The following DDX31 variants were observed in gnomAD, a reference collection of about 807,000 sequenced individuals.
DDX31 encodes DEAD-box helicase 31, also known as ATP-dependent DNA helicase DDX31.
A neutral mutation model predicts 91.3 loss-of-function variants in DDX31; 70 were observed. The observed-to-expected ratio is 0.77, with a 90% CI of 0.63 to 0.94. The LOEUF is 0.94. DDX31 is among the 40% of genes least tolerant of loss of function. The pLI is 0.00. For missense variants in DDX31, 902 were observed against 925.0 expected (o/e 0.98, Z 0.32); for synonymous variants, 362 against 350.6 (o/e 1.03, Z -0.36).
At chr9:132,633,459 CTG>C (rs3028360) in intron 14 of DDX31, among the ~76,000 whole-genome samples, 11,175 of 152,138 alleles carry the variant, frequency 0.073, 1,316 homozygotes, top group African/African-American at 0.25. Context: ...TAGAAAAAAA[CTG>C]TCAACCAGCA....
At chr9:132,649,810 A>T (rs1306951232) in intron 9 of DDX31, among the ~76,000 whole-genome samples, 1 of 152,242 alleles carries the variant, frequency 6.6e-6, no homozygotes, top group African/African-American at 2.4e-5. Context: ...AATCCTAATA[A>T]AGGAACAAAC....
intron 12 of DDX31, 76 bp downstream of exon 12, chr9:132,646,747 A>T (rs542842810): frequency 1.2e-5 from 17 of 1,451,074 alleles, no homozygotes; most frequent in Non-Finnish European, 1.6e-5. Flanking sequence ...GTCTCAACTC[A>T]TTGCTCCCAA....
rs151253202 is a variant in DDX31, at chr9:132,646,829, T to A, written c.1197A>T (p.Lys399Asn). ...LVCLAAFILQ[K>N]CKFEEDQKMV... ...CTCTAGCCCACAGTCCCACCTTGCATTTCTGAAGGATGAAGGCCGCTAGGC... is the reference window on the plus strand; with the variant it reads ...CTCTAGCCCACAGTCCCACCTTGCAATTCTGAAGGATGAAGGCCGCTAGGC... Residue 399 changes from lysine (K) to asparagine (N), a missense_variant, in exon 12 of 20, where the codon AAA (lysine) becomes AAT (asparagine). Physicochemically the swap from Lys to Asn is moderately conservative, Grantham distance 94. Transcript: ENST00000372159. The A allele has an allele frequency of 2.4e-4, 393 of 1,613,724 alleles. No individual in the cohort carries two copies. The highest frequency in any genetic ancestry group is 2.6e-4 in the Non-Finnish European group (301 of 1,179,896).
intron 19 of DDX31, among the ~76,000 whole-genome samples, chr9:132,602,510 G>A (rs554313880): frequency 2.0e-3 from 300 of 152,298 alleles, no homozygotes; most frequent in African/African-American, 6.6e-3. Flanking sequence ...CTAAGCTGCT[G>A]AGTTGGAATC....
chr9:132,648,755 T>C lies in DDX31; in HGVS notation c.741-204A>G, dbSNP rs796496212. On this transcript the variant is annotated intron_variant, in intron 9 of 19. Transcript: ENST00000372159. ...ACTGTGAAATGCAATTGTTAAGATC[T>C]GAAATTACATTAAAATCATAAAACT... Among the ~76,000 whole-genome samples, 3 of 152,204 alleles carry C rather than the reference T, an allele frequency of 2.0e-5. No homozygotes were observed. The South Asian group carries it at 6.2e-4, about 32-fold the overall frequency.
At chr9:132,624,609 C>T (rs1832278829) in intron 17 of DDX31, among the ~76,000 whole-genome samples, 1 of 152,146 alleles carries the variant, frequency 6.6e-6, no homozygotes, top group Non-Finnish European at 1.5e-5. Context: ...GTGAAAGTTC[C>T]TTTACCTCTC....
In DDX31 at chr9:132,669,978, C is replaced by T; in HGVS notation, c.-44G>A. 1.3e-6 allele frequency: 2 copies of T among 1,575,442 alleles called. No homozygotes were observed. The highest frequency in any genetic ancestry group is 2.4e-5 in the East Asian group (1 of 42,550). On this transcript the variant is annotated 5_prime_UTR_variant, in exon 1 of 20. Coordinates refer to ENST00000372159, the MANE Select transcript of DDX31 (RefSeq NM_022779.9). The stretch of plus-strand genomic sequence containing the variant: ...GTGGTGCAGCAGCGAGCCCGGTGCG[C>T]AGACTGCTGGGCCCGGGACCCCACG...
chr9:132,605,166 CTTCCT>C (rs942649134), intron 19 of DDX31, among the ~76,000 whole-genome samples: 1 of 152,170 alleles, frequency 6.6e-6, no homozygotes, highest in Non-Finnish European at 1.5e-5. Flanking sequence ...ACAATTCCTT[CTTCCT>C]TTCTTTTCCT....
In DDX31 at chr9:132,635,085, T is replaced by C. The variant is rs369453342; in HGVS notation, c.1441-2994A>G. Among the ~76,000 whole-genome samples, 35 of 152,292 alleles carry C rather than the reference T, an allele frequency of 2.3e-4. 1 individual carries two copies. In the South Asian group the frequency reaches 2.7e-3, roughly 12 times the overall value. On this transcript the variant is annotated intron_variant, in intron 14 of 19. Coordinates refer to ENST00000372159, the MANE Select transcript of DDX31 (RefSeq NM_022779.9). The stretch of plus-strand genomic sequence containing the variant: ...GTCTAACTGCTTCCTCATGGTAAGG[T>C]TGCGGTTAGGCTTTCTGGCACAAAC...
intron 18 of DDX31, among the ~76,000 whole-genome samples, chr9:132,613,151 G>A (rs1750328865): frequency 6.6e-6 from 1 of 152,138 alleles, no homozygotes; most frequent in Admixed American, 6.5e-5. Flanking sequence ...CAAAGTGCTT[G>A]GGAATACAAG....
intron 18 of DDX31, among the ~76,000 whole-genome samples, chr9:132,617,951 T>C (rs938166070): frequency 1.3e-5 from 2 of 152,378 alleles, no homozygotes; most frequent in Middle Eastern, 3.4e-3. Context: ...TATTTCCAGC[T>C]CTGGCCTTCA....
chr9:132,632,907 T>C (rs75045430), intron 14 of DDX31, among the ~76,000 whole-genome samples: 55 of 152,330 alleles, frequency 3.6e-4, no homozygotes, highest in Admixed American at 1.9e-3. Flanking sequence ...CTCACCATTC[T>C]AGCAGACCAG....
chr9:132,658,498 C>T (rs1390854531), intron 6 of DDX31, 173 bp downstream of exon 6: 4 of 677,650 alleles, frequency 5.9e-6, no homozygotes, highest in Non-Finnish European at 1.0e-5. Flanking sequence ...ATTTATTCTA[C>T]TCTAGGCACA....
rs1834265575 is a variant in DDX31 at position 132,652,512 on chromosome 9, A to T, written c.589-20T>A. ...ACTGCGCTGTTGACACACAGAAAAAAAATGCCATGAGCAGGATAAACAAAG... is the reference window on the plus strand; with the variant it reads ...ACTGCGCTGTTGACACACAGAAAAATAATGCCATGAGCAGGATAAACAAAG... On this transcript the variant is annotated intron_variant, in intron 6 of 19. Coordinates refer to ENST00000372159, the MANE Select transcript of DDX31 (RefSeq NM_022779.9). 4.3e-6 allele frequency: 7 copies of T among 1,613,802 alleles called. No individual in the cohort carries two copies. The East Asian group carries it at 1.6e-4, about 36-fold the overall frequency.
intron 19 of DDX31, among the ~76,000 whole-genome samples, chr9:132,608,549 G>A (rs963364103): frequency 6.6e-6 from 1 of 152,102 alleles, no homozygotes; most frequent in African/African-American, 2.4e-5. Flanking sequence ...CTGAGCTCCC[G>A]CTTGGCATAT....
chr9:132,596,157 T>G (rs1830424760), intron 19 of DDX31, among the ~76,000 whole-genome samples: 1 of 152,232 alleles, frequency 6.6e-6, no homozygotes. Flanking sequence ...GCATTTTCTT[T>G]GCTGTAATCA....
chr9:132,644,057 A>G (rs1230913702), intron 13 of DDX31, among the ~76,000 whole-genome samples: 1 of 152,272 alleles, frequency 6.6e-6, no homozygotes, highest in Admixed American at 6.5e-5. Context: ...CTTGTAGGAC[A>G]GTGGCCAGGG....
At chr9:132,634,468 GTAA>G in intron 14 of DDX31, among the ~76,000 whole-genome samples, 1 of 150,418 alleles carries the variant, frequency 6.6e-6, no homozygotes, top group East Asian at 2.0e-4. Flanking sequence ...TACCTCCTAA[GTAA>G]AAGGACACTG....
intron 16 of DDX31, among the ~76,000 whole-genome samples, chr9:132,629,695 T>G (rs1217554534): frequency 6.6e-6 from 1 of 152,238 alleles, no homozygotes; most frequent in Non-Finnish European, 1.5e-5. Flanking sequence ...CGAGCTGGGC[T>G]GTGTGCTCAT....
Sources: gnomAD v4.1 joint callset for allele counts (sites outside exome capture counted in the v4.1 genomes callset) on GRCh38, gnomAD v4.1.1 for gene constraint, MANE v1.5 for transcripts, NCBI Gene and HGNC (gene_info 2026-07-23, HGNC 2026-07-21) for gene names.